Variants in MACROD2 observed in about 807,000 individuals in gnomAD.
The protein encoded by MACROD2 is ADP-ribose glycohydrolase MACROD2.
In MACROD2, 36 loss-of-function variants were observed where a neutral mutation model predicts 70.4. The ratio of observed to expected loss-of-function variants is 0.51; its 90% CI spans 0.39 to 0.68. The LOEUF (loss-of-function observed/expected upper bound fraction) is 0.68, where lower values mean the gene tolerates loss of function less well. Among genes scored for constraint, MACROD2 ranks in the 30% least tolerant of loss-of-function variants. MACROD2 has a pLI of 0.00. For missense variants in MACROD2, 496 were observed against 538.4 expected, an observed-to-expected ratio of 0.92 and a Z score of 0.78; for synonymous variants, 172 against 178.8, an observed-to-expected ratio of 0.96 and a Z score of 0.30.
intron 5 of MACROD2, among the ~76,000 whole-genome samples, chr20:15,097,579 T>G (rs1405400994): frequency 1.3e-5 from 2 of 152,150 alleles, no homozygotes; most frequent in Non-Finnish European, 2.9e-5. Flanking sequence ...AAATAAAATG[T>G]CATAAGTGAA....
intron 5 of MACROD2, among the ~76,000 whole-genome samples, chr20:15,049,512 G>T (rs1398654101): frequency 1.3e-5 from 2 of 152,124 alleles, no homozygotes; most frequent in Non-Finnish European, 2.9e-5. Flanking sequence ...AAAGTGAGAA[G>T]CTAAATCAGA....
intron 5 of MACROD2, among the ~76,000 whole-genome samples, chr20:14,726,590 G>A (rs1422986805): frequency 1.3e-5 from 2 of 152,144 alleles, no homozygotes; most frequent in African/African-American, 2.4e-5. Flanking sequence ...CTTATAATAT[G>A]CCAGACACTG....
chr20:14,669,944 C>T (rs73260885), intron 4 of MACROD2, among the ~76,000 whole-genome samples: 12,381 of 151,860 alleles, frequency 0.082, 847 homozygotes, highest in African/African-American at 0.19. Flanking sequence ...GGAATTATTC[C>T]TTCAAGGAAT....
At chr20:14,182,789 T>C (rs2081315082) in intron 3 of MACROD2, among the ~76,000 whole-genome samples, 1 of 151,944 alleles carries the variant, frequency 6.6e-6, no homozygotes. Context: ...TTAGCTTCAA[T>C]AGAAAGACTC....
At chr20:15,071,116 A>G (rs1184478663) in intron 5 of MACROD2, among the ~76,000 whole-genome samples, 2 of 152,152 alleles carry the variant, frequency 1.3e-5, no homozygotes, top group African/African-American at 2.4e-5. Flanking sequence ...CCAATATACA[A>G]TGGAATTTAA....
chr20:15,436,980 T>G (rs1267561248), intron 7 of MACROD2, among the ~76,000 whole-genome samples: 1 of 152,186 alleles, frequency 6.6e-6, no homozygotes, highest in Non-Finnish European at 1.5e-5. Flanking sequence ...TTTGCTCATA[T>G]TCTATTGCTT....
At chr20:14,482,550 G>T (rs1443741959) in intron 3 of MACROD2, among the ~76,000 whole-genome samples, 1 of 151,602 alleles carries the variant, frequency 6.6e-6, no homozygotes, top group Admixed American at 6.6e-5. Flanking sequence ...TAGGGTGAAT[G>T]CAGAGCCAGG....
At chr20:15,240,380 T>C (rs1346913937) in intron 6 of MACROD2, among the ~76,000 whole-genome samples, 1 of 152,162 alleles carries the variant, frequency 6.6e-6, no homozygotes, top group African/African-American at 2.4e-5. Context: ...TATTCTCAAA[T>C]AATACAGCAA....
intron 8 of MACROD2, among the ~76,000 whole-genome samples, chr20:15,831,665 T>C (rs1202108571): frequency 6.6e-6 from 1 of 152,066 alleles, no homozygotes; most frequent in African/African-American, 2.4e-5. Flanking sequence ...CTTGAGCTTC[T>C]CTTCTCCCTT....
chr20:15,233,123 T>G (rs1438479958), intron 6 of MACROD2, among the ~76,000 whole-genome samples: 1 of 152,082 alleles, frequency 6.6e-6, no homozygotes, highest in Non-Finnish European at 1.5e-5. Context: ...TTATCACTTT[T>G]AAATATCTTC....
At chr20:15,642,764 T>C (rs1396047939) in intron 8 of MACROD2, among the ~76,000 whole-genome samples, 1 of 149,218 alleles carries the variant, frequency 6.7e-6, no homozygotes, top group African/African-American at 2.5e-5. Context: ...TGTGTGTGTT[T>C]GTGTGTGTGT....
intron 8 of MACROD2, among the ~76,000 whole-genome samples, chr20:15,819,975 T>C (rs2063921686): frequency 6.6e-6 from 1 of 152,202 alleles, no homozygotes; most frequent in Non-Finnish European, 1.5e-5. Flanking sequence ...GGCTTCACTG[T>C]AGTACCTATT....
At chr20:15,533,592 G>C (rs1311080346) in intron 8 of MACROD2, among the ~76,000 whole-genome samples, 2 of 147,464 alleles carry the variant, frequency 1.4e-5, no homozygotes, top group Non-Finnish European at 3.0e-5. Context: ...TTTTTAAGAA[G>C]AAACTCAGTC....
At chr20:14,335,442 C>G (rs1208475394) in intron 3 of MACROD2, among the ~76,000 whole-genome samples, 1 of 151,964 alleles carries the variant, frequency 6.6e-6, no homozygotes, top group Non-Finnish European at 1.5e-5. Flanking sequence ...ATTGTAGGCT[C>G]CTTAATTAAC....
At chr20:14,124,823 A>G (rs893361932) in intron 3 of MACROD2, among the ~76,000 whole-genome samples, 1 of 152,162 alleles carries the variant, frequency 6.6e-6, no homozygotes, top group Non-Finnish European at 1.5e-5. Flanking sequence ...AGAATTAAAA[A>G]CATATGTTTT....
At chr20:15,015,187 A>G (rs1568531333) in intron 5 of MACROD2, among the ~76,000 whole-genome samples, 2 of 152,082 alleles carry the variant, frequency 1.3e-5, no homozygotes, top group Non-Finnish European at 2.9e-5. Flanking sequence ...TTGAACTTTT[A>G]ATATTAATTT....
chr20:15,952,974 T>A (rs1237222738), intron 12 of MACROD2, among the ~76,000 whole-genome samples: 1 of 151,776 alleles, frequency 6.6e-6, no homozygotes, highest in East Asian at 1.9e-4. Context: ...TCTGTGGGGG[T>A]TTCTTTTCCT....
intron 5 of MACROD2, among the ~76,000 whole-genome samples, chr20:15,023,298 C>G (rs1019140478): frequency 6.6e-6 from 1 of 152,168 alleles, no homozygotes; most frequent in African/African-American, 2.4e-5. Flanking sequence ...GCATTTATAT[C>G]TTCAGAAAAC....
chr20:15,925,588 C>A (rs2065476393), intron 10 of MACROD2, among the ~76,000 whole-genome samples: 1 of 152,082 alleles, frequency 6.6e-6, no homozygotes, highest in African/African-American at 2.4e-5. Flanking sequence ...TGGGTCATAC[C>A]TTCAATGTTG....
Sources: allele counts gnomAD v4.1 joint callset (sites outside exome capture counted in the v4.1 genomes callset), GRCh38; gene constraint gnomAD v4.1.1; transcripts MANE v1.5; gene names NCBI Gene and HGNC (gene_info 2026-07-23, HGNC 2026-07-21).